The following ATRNL1 variants were observed in gnomAD, a reference collection of about 807,000 sequenced individuals.
The protein encoded by ATRNL1 is attractin like 1, also known as attractin-like protein 1.
In ATRNL1, 95 loss-of-function variants were observed where a neutral mutation model predicts 182.7. The ratio of observed to expected loss-of-function variants is 0.52; its 90% CI spans 0.44 to 0.62. ATRNL1 has a LOEUF of 0.62. ATRNL1 is among the 20% of genes least tolerant of loss of function. The probability of loss-of-function intolerance (pLI) is 0.00; values close to 1 mark genes in which losing one functional copy is unlikely to be tolerated. For synonymous variants in ATRNL1, 576 were observed against 568.3 expected (o/e 1.01, Z -0.19); for missense variants, 1,471 against 1,679.5 (o/e 0.88, Z 2.17).
chr10:115,792,743 T>A (rs1329966737), intron 27 of ATRNL1, among the ~76,000 whole-genome samples: 3 of 152,052 alleles, frequency 2.0e-5, no homozygotes, highest in African/African-American at 7.2e-5. Flanking sequence ...CATTTTTCAT[T>A]TATTTCTTCA....
chr10:115,698,197 TGAA>T (rs1344783566), intron 26 of ATRNL1, among the ~76,000 whole-genome samples: 1 of 152,050 alleles, frequency 6.6e-6, no homozygotes, highest in East Asian at 1.9e-4. Flanking sequence ...AGAAATGTAA[TGAA>T]GAGGCTACTA....
At chr10:115,818,461 A>G (rs889118551) in intron 27 of ATRNL1, among the ~76,000 whole-genome samples, 2 of 152,092 alleles carry the variant, frequency 1.3e-5, no homozygotes. Flanking sequence ...AAAATGTTTC[A>G]TAGTTTTATT....
In ATRNL1 at chr10:115,461,942, C is replaced by T. The variant is rs1847819772; in HGVS notation, c.3324C>T (p.Tyr1108=). Residue 1108 remains tyrosine, a splice_region_variant and synonymous_variant, in exon 22 of 29, where the codon TAC becomes TAT. Transcript: ENST00000355044. ...TTGTACTTTTTTTCCTCCCTACAGA[C>T]AGCCTTTTGATTGATTATCAATTTA... ...VGNPLRGTCY[Y]SLLIDYQFTF... is the part of the protein sequence containing the mutation. 1 of 1,606,052 alleles carries T rather than the reference C, an allele frequency of 6.2e-7. No homozygotes were observed. Among genetic ancestry groups the T allele is most frequent in the Non-Finnish European group, 8.5e-7 (1 of 1,176,008 alleles).
intron 27 of ATRNL1, among the ~76,000 whole-genome samples, chr10:115,828,265 CG>C (rs1555092599): frequency 6.6e-6 from 1 of 151,496 alleles, no homozygotes; most frequent in Non-Finnish European, 1.5e-5. Context: ...TGCGGTGAGC[CG>C]AAATCACACC....
chr10:115,295,657 G>C lies in ATRNL1; in HGVS notation c.2416-4377G>C, dbSNP rs577205822. The stretch of plus-strand genomic sequence containing the variant: ...AGAGTCTCAAGGGCCTCTCCTGCTT[G>C]GGGGAGGGCATGCAATGGTTTGACT... On this transcript the variant is annotated intron_variant, in intron 15 of 28. Coordinates refer to ENST00000355044, the MANE Select transcript of ATRNL1 (RefSeq NM_207303.4). Among the ~76,000 whole-genome samples the C allele has an allele frequency of 5.5e-4, 84 of 152,204 alleles. 2 individuals are homozygous for C. In the South Asian group the frequency reaches 0.017, roughly 31 times the overall value.
chr10:115,377,471 C>A (rs887351762), intron 19 of ATRNL1, among the ~76,000 whole-genome samples: 1 of 152,138 alleles, frequency 6.6e-6, no homozygotes, highest in African/African-American at 2.4e-5. Flanking sequence ...TGGACTAATA[C>A]GGTTGTCTAT....
intron 26 of ATRNL1, among the ~76,000 whole-genome samples, chr10:115,634,049 T>TA (rs1289687588): frequency 6.6e-6 from 1 of 152,022 alleles, no homozygotes; most frequent in Non-Finnish European, 1.5e-5. Flanking sequence ...CTCTTAAGAA[T>TA]AAAAAATAAG....
intron 27 of ATRNL1, among the ~76,000 whole-genome samples, chr10:115,840,493 A>G (rs1205103072): frequency 6.6e-6 from 1 of 152,134 alleles, no homozygotes; most frequent in African/African-American, 2.4e-5. Flanking sequence ...TACTCCTTTA[A>G]TCATTATAAT....
At chr10:115,438,581 C>T (rs1846517085) in intron 21 of ATRNL1, among the ~76,000 whole-genome samples, 1 of 151,882 alleles carries the variant, frequency 6.6e-6, no homozygotes, top group African/African-American at 2.4e-5. Flanking sequence ...TTTGCTTAAA[C>T]TCCTTTTTCA....
intron 21 of ATRNL1, among the ~76,000 whole-genome samples, chr10:115,448,198 A>G (rs1847102645): frequency 6.6e-6 from 1 of 152,064 alleles, no homozygotes; most frequent in Non-Finnish European, 1.5e-5. Context: ...ATAGTCTATG[A>G]CTTGGCTCTT....
intron 27 of ATRNL1, among the ~76,000 whole-genome samples, chr10:115,843,630 T>C (rs975308586): frequency 1.3e-5 from 2 of 152,040 alleles, no homozygotes; most frequent in Non-Finnish European, 2.9e-5. Context: ...CAGTTATTAA[T>C]AGCACTTAAT....
intron 26 of ATRNL1, among the ~76,000 whole-genome samples, chr10:115,601,408 C>T (rs760050525): frequency 1.3e-5 from 2 of 152,100 alleles, no homozygotes; most frequent in Non-Finnish European, 2.9e-5. Context: ...CTTGTAGTTT[C>T]ATGTCTTCTA....
chr10:115,468,097 C>A (rs1246107894), intron 23 of ATRNL1, among the ~76,000 whole-genome samples: 1 of 150,446 alleles, frequency 6.6e-6, no homozygotes, highest in Non-Finnish European at 1.5e-5. Context: ...ATATTACATT[C>A]AAAAAATGAA....
chr10:115,279,052 A>T (rs968173742), intron 13 of ATRNL1, among the ~76,000 whole-genome samples: 1 of 151,848 alleles, frequency 6.6e-6, no homozygotes, highest in Non-Finnish European at 1.5e-5. Context: ...AATACAAAAA[A>T]TTAGCCGGGT....
Position 115,620,509 on chromosome 10 carries a change from A to T in ATRNL1, c.3795+70973A>T, listed in dbSNP as rs1857673698. 6.6e-5 allele frequency among the ~76,000 whole-genome samples: 10 copies of T among 152,302 alleles called. 1 individual carries two copies. In the South Asian group the frequency reaches 1.9e-3, roughly 28 times the overall value. On this transcript the variant is annotated intron_variant, in intron 26 of 28. Coordinates refer to ENST00000355044, the MANE Select transcript of ATRNL1 (RefSeq NM_207303.4). Reference sequence around the variant, plus strand: ...AAACCATTTTAGAGACAAATATAAAACTGTCTGGCCATTAAACCCAGGCTA... The same window carrying T: ...AAACCATTTTAGAGACAAATATAAATCTGTCTGGCCATTAAACCCAGGCTA...
intron 21 of ATRNL1, among the ~76,000 whole-genome samples, chr10:115,437,266 A>G (rs1212471642): frequency 6.6e-6 from 1 of 152,066 alleles, no homozygotes; most frequent in Non-Finnish European, 1.5e-5. Context: ...GATCCAAACA[A>G]TGCTATGCTT....
At chr10:115,869,964 CTTTTTTTTTT>C (rs150345069) in intron 28 of ATRNL1, among the ~76,000 whole-genome samples, 2 of 71,690 alleles carry the variant, frequency 2.8e-5, no homozygotes, top group African/African-American at 1.3e-4. Context: ...GTTCCCAGAC[CTTTTTTTTTT>C]TTTTTTTTTT....
At chr10:115,464,882 T>A (rs556019321) in intron 22 of ATRNL1, among the ~76,000 whole-genome samples, 5 of 151,876 alleles carry the variant, frequency 3.3e-5, no homozygotes, top group African/African-American at 1.2e-4. Flanking sequence ...TTTTTTGAGT[T>A]CCCAGTCCTC....
At chr10:115,348,648 T>A (rs1404431381) in intron 19 of ATRNL1, among the ~76,000 whole-genome samples, 2 of 152,142 alleles carry the variant, frequency 1.3e-5, no homozygotes, top group African/African-American at 4.8e-5. Flanking sequence ...CCATAAATAC[T>A]TATTGAATGC....
Sources: gnomAD v4.1 joint callset for allele counts (sites outside exome capture counted in the v4.1 genomes callset) on GRCh38, gnomAD v4.1.1 for gene constraint, MANE v1.5 for transcripts, NCBI Gene and HGNC (gene_info 2026-07-23, HGNC 2026-07-21) for gene names.